The following PTPRE variants were observed in gnomAD, a reference collection of about 807,000 sequenced individuals.
PTPRE encodes receptor-type tyrosine-protein phosphatase epsilon.
PTPRE carries 51 observed loss-of-function variants against 102.0 expected under a neutral mutation model. The ratio of observed to expected loss-of-function variants is 0.50; its 90% CI spans 0.40 to 0.63. The LOEUF is 0.63. Among genes scored for constraint, PTPRE ranks in the 30% least tolerant of loss-of-function variants. The pLI, the probability that PTPRE is intolerant of heterozygous loss-of-function variation, is 0.00. For missense variants in PTPRE, 752 were observed against 915.1 expected (o/e 0.82, Z 2.30); for synonymous variants, 345 against 348.2 (o/e 0.99, Z 0.10).
intron 2 of PTPRE, among the ~76,000 whole-genome samples, chr10:128,023,371 A>G (rs1846065211): frequency 6.6e-6 from 1 of 152,180 alleles, no homozygotes; most frequent in Admixed American, 6.5e-5. Flanking sequence ...CATAGTACGT[A>G]TAGGAAAAAG....
chr10:128,068,178 G>A lies in PTPRE; in HGVS notation c.899G>A (p.Ser300Asn). 1 of 1,614,126 alleles carries A rather than the reference G, an allele frequency of 6.2e-7. No individual in the cohort carries two copies. The highest frequency in any genetic ancestry group is 8.5e-7 in the Non-Finnish European group (1 of 1,179,976). ...CTGGTCTCACAGCTGCACTTCACCA[G>A]CTGGCCCGACTTCGGAGTGCCTTTT... ...PRLVSQLHFTSWPDFGVPFTP... is the reference protein window; with the variant it reads ...PRLVSQLHFTNWPDFGVPFTP... Residue 300 changes from serine to asparagine, a missense_variant, in exon 12 of 21, where the codon AGC becomes AAC. By Grantham distance (46) the Ser-to-Asn change is conservative (BLOSUM62 1). This residue lies in a region of PTPRE where 636 missense variants were observed against 824.4 expected (regional missense o/e 0.77). Transcript: ENST00000254667.
At chr10:128,018,513 T>C (rs371841551) in intron 2 of PTPRE, among the ~76,000 whole-genome samples, 3 of 152,336 alleles carry the variant, frequency 2.0e-5, no homozygotes, top group Non-Finnish European at 4.4e-5. Context: ...GCTTTGACGA[T>C]GCAGATGTTT....
At chr10:127,938,891 G>A (rs1246648568) in intron 1 of PTPRE, among the ~76,000 whole-genome samples, 3 of 152,056 alleles carry the variant, frequency 2.0e-5, no homozygotes, top group Admixed American at 6.6e-5. Flanking sequence ...ATCCCAGGGC[G>A]CTCTGCGTTG....
In PTPRE at chr10:127,907,206, C is replaced by A. The variant is rs930087754; in HGVS notation, c.-134C>A. ...GCGTCCCCGCGACCCTTCTTCGCGC[C>A]CGGCGAAGACAGCCGGGCGCCCCGG... is the stretch of plus-strand genomic sequence containing the variant. On this transcript the variant is annotated 5_prime_UTR_variant, in exon 1 of 21. Coordinates refer to ENST00000254667, the MANE Select transcript of PTPRE (RefSeq NM_006504.6). The surrounding 1 kb of genome is among the most constrained non-coding windows in gnomAD (Gnocchi z 4.8). 1 of 969,556 alleles carries A rather than the reference C, an allele frequency of 1.0e-6. No individual in the cohort carries two copies. Among genetic ancestry groups the A allele is most frequent in the African/African-American group, 1.8e-5 (1 of 56,834 alleles). The allele number at this position is 969,556 out of a possible 1,614,324, so 60.1% of individuals were successfully genotyped here.
intron 1 of PTPRE, among the ~76,000 whole-genome samples, chr10:127,943,197 A>G (rs936716279): frequency 6.6e-6 from 1 of 152,212 alleles, no homozygotes; most frequent in African/African-American, 2.4e-5. Context: ...GCTCTTGTCG[A>G]TAGCAACTTT....
In PTPRE at chr10:128,082,973, A is replaced by G. The variant is rs1469993082; in HGVS notation, c.*67A>G. 1 of 1,372,832 alleles carries G rather than the reference A, an allele frequency of 7.3e-7. No homozygotes were observed. Among genetic ancestry groups the G allele is most frequent in the East Asian group, 2.7e-5 (1 of 36,434 alleles). The allele number at this position is 1,372,832 out of a possible 1,614,324, so 85.0% of individuals were successfully genotyped here. A position where few individuals can be genotyped will look rare whatever the true frequency, so the allele number is the denominator to read the frequency against. ...TATTTTGTAAAAATCATGTTAATTT[A>G]TTTCATAGTTGACATTAATATCTTC... On this transcript the variant is annotated 3_prime_UTR_variant, in exon 21 of 21. Transcript: ENST00000254667.
Position 128,040,980 on chromosome 10 carries a change from C to T in PTPRE, c.99C>T (p.Thr33=), listed in dbSNP as rs761143024. ...NETTADSNET[T]TTSGPPDPGA... ...CCACTGCCGACAGCAACGAGACAAC[C>T]ACGACCTCAGGTAAGGACCCCTTTC... Residue 33 remains threonine, a synonymous_variant, in exon 3 of 21, where the codon ACC becomes ACT. Coordinates refer to ENST00000254667, the MANE Select transcript of PTPRE (RefSeq NM_006504.6). 1 of 1,614,078 alleles carries T rather than the reference C, an allele frequency of 6.2e-7. No individual in the cohort carries two copies. Among genetic ancestry groups the T allele is most frequent in the South Asian group, 1.1e-5 (1 of 91,070 alleles).
intron 2 of PTPRE, among the ~76,000 whole-genome samples, chr10:127,994,011 G>A (rs558603792): frequency 6.6e-6 from 1 of 152,170 alleles, no homozygotes; most frequent in Non-Finnish European, 1.5e-5. Context: ...GTCATACCCC[G>A]GCACATGTCC....
intron 1 of PTPRE, among the ~76,000 whole-genome samples, chr10:127,979,613 G>A (rs1381626862): frequency 1.3e-5 from 2 of 152,166 alleles, no homozygotes. Context: ...GGAGGTTGAG[G>A]CTGCAGTGAG....
intron 3 of PTPRE, among the ~76,000 whole-genome samples, chr10:128,042,470 G>A (rs1160282009): frequency 6.6e-6 from 1 of 152,238 alleles, no homozygotes; most frequent in African/African-American, 2.4e-5. Flanking sequence ...ACCCAGAGCA[G>A]AACTAAATGT....
In PTPRE at chr10:127,994,672, C is replaced by A. The variant is rs192087898; in HGVS notation, c.-8+12376C>A. Reference sequence around the variant, plus strand: ...TCAGTGATTTTTCTCTGTCCAACACCAGACTGGCTTCAGTGATTTCTTTCA... The same window carrying A: ...TCAGTGATTTTTCTCTGTCCAACACAAGACTGGCTTCAGTGATTTCTTTCA... On this transcript the variant is annotated intron_variant, in intron 2 of 20. Transcript: ENST00000254667. 2.9e-3 allele frequency among the ~76,000 whole-genome samples: 446 copies of A among 152,326 alleles called. 3 individuals are homozygous for A. The highest frequency in any genetic ancestry group is 9.9e-3 in the African/African-American group (411 of 41,570).
chr10:127,948,153 G>A (rs1035099136), intron 1 of PTPRE, among the ~76,000 whole-genome samples: 3 of 152,188 alleles, frequency 2.0e-5, no homozygotes, highest in Admixed American at 1.3e-4. Context: ...GATGGGGAAG[G>A]GTGAGCCTAG....
Position 128,048,550 on chromosome 10 carries a change from T to C in PTPRE, c.283+713T>C, listed in dbSNP as rs766423391. 6.9e-4 allele frequency among the ~76,000 whole-genome samples: 105 copies of C among 152,114 alleles called. 1 individual carries two copies. The highest frequency in any genetic ancestry group is 1.6e-4 in the Non-Finnish European group (11 of 68,026). ...ACGGACCCTTAGATCATTAAAAGAA[T>C]ATCACCAACAAGGACCCAGCTGAAA... On this transcript the variant is annotated intron_variant, in intron 5 of 20. Coordinates refer to ENST00000254667, the MANE Select transcript of PTPRE (RefSeq NM_006504.6).
Position 128,016,481 on chromosome 10 carries a change from AT to A in PTPRE, c.-7-24378del, listed in dbSNP as rs57308839. 9.5e-3 allele frequency among the ~76,000 whole-genome samples: 1,376 copies of A among 145,006 alleles called. 14 individuals carry two copies. Among genetic ancestry groups the A allele is most frequent in the African/African-American group, 0.022 (859 of 39,456 alleles). On this transcript the variant is annotated intron_variant, in intron 2 of 20. Coordinates refer to ENST00000254667, the MANE Select transcript of PTPRE (RefSeq NM_006504.6). ...AGACCAGTGCCACTATGCCTGGCCA[AT>A]TTTTTTTTTTTTTTTACTTTTTTAG...
chr10:127,939,834 G>C (rs1589784193), intron 1 of PTPRE, among the ~76,000 whole-genome samples: 2 of 146,728 alleles, frequency 1.4e-5, no homozygotes, highest in Non-Finnish European at 3.0e-5. Flanking sequence ...AAGCAGGTGA[G>C]GGCAGGTGCA....
intron 2 of PTPRE, among the ~76,000 whole-genome samples, chr10:127,995,098 G>A (rs1853114283): frequency 6.6e-6 from 1 of 152,164 alleles, no homozygotes; most frequent in South Asian, 2.1e-4. Flanking sequence ...CCATGGTGGT[G>A]CCTATTCCAT....
At chr10:127,923,156 A>G (rs1195112249) in intron 1 of PTPRE, among the ~76,000 whole-genome samples, 3 of 152,254 alleles carry the variant, frequency 2.0e-5, no homozygotes, top group African/African-American at 7.2e-5. Flanking sequence ...CATGAGTAAT[A>G]GCAAAGCAAG....
chr10:127,922,872 C>T (rs961251656), intron 1 of PTPRE, among the ~76,000 whole-genome samples: 2 of 152,212 alleles, frequency 1.3e-5, no homozygotes, highest in Non-Finnish European at 2.9e-5. Flanking sequence ...TGGCTTTTCC[C>T]ATCCTCAGCT....
chr10:127,910,622 G>C (rs1845803480), intron 1 of PTPRE, among the ~76,000 whole-genome samples: 1 of 152,218 alleles, frequency 6.6e-6, no homozygotes, highest in Non-Finnish European at 1.5e-5. Context: ...CAAAATGCAG[G>C]CTTCAGTGTT....
Sources: gnomAD v4.1 joint callset for allele counts (sites outside exome capture counted in the v4.1 genomes callset) on GRCh38, gnomAD v4.1.1 for gene constraint, gnomAD v4.1.1 regional missense constraint, Gnocchi (gnomAD v3.1) non-coding constraint, MANE v1.5 for transcripts, NCBI Gene and HGNC (gene_info 2026-07-23, HGNC 2026-07-21) for gene names.